ARID2: variants seen among roughly 807,000 people sequenced by gnomAD.
The protein encoded by ARID2 is AT-rich interaction domain 2.
In ARID2, 32 loss-of-function variants were observed where a neutral mutation model predicts 184.6. The observed-to-expected ratio is 0.17, with a 90% confidence interval of 0.13 to 0.23. The LOEUF (loss-of-function observed/expected upper bound fraction) is 0.23. Ranked by LOEUF, ARID2 falls within the 10% of genes least tolerant of loss-of-function variation. The pLI is 1.00. For synonymous variants in ARID2, 836 were observed against 772.6 expected (o/e 1.08, Z -1.36); for missense variants, 1,696 against 2,197.6 (o/e 0.77, Z 4.56).
chr12:45,822,570 T>C (rs145921858), intron 6 of ARID2, among the ~76,000 whole-genome samples: 164 of 152,176 alleles, frequency 1.1e-3, no homozygotes, highest in African/African-American at 3.8e-3. Flanking sequence ...TAAAAATAAA[T>C]AAAAAATAAA....
chr12:45,811,660 C>T, intron 4 of ARID2, 109 bp downstream of exon 4: 1 of 1,135,172 alleles, frequency 8.8e-7, no homozygotes, highest in African/African-American at 1.6e-5. Context: ...ACACTTAAGG[C>T]CTTAAGGTAA....
chr12:45,758,994 A>G (rs979839695), intron 3 of ARID2, among the ~76,000 whole-genome samples: 13 of 152,100 alleles, frequency 8.5e-5, no homozygotes, highest in Non-Finnish European at 1.9e-4. Context: ...CTGTTGTGAT[A>G]AAAGACACGC....
In ARID2 at chr12:45,850,538, A is replaced by G. The variant is rs1377405106; in HGVS notation, c.2415A>G (p.Val805=). The G allele has an allele frequency of 5.6e-6, 9 of 1,614,104 alleles. No homozygotes were observed. Among genetic ancestry groups the G allele is most frequent in the Non-Finnish European group, 7.6e-6 (9 of 1,179,994 alleles). The change falls in exon 15 of 21, where the codon GTA becomes GTG. Residue 805 remains valine (V), a synonymous_variant. Coordinates refer to ENST00000334344, the MANE Select transcript of ARID2 (RefSeq NM_152641.4). ...AVPQSHMFGR[V]QNIPACTSTV... is the part of the protein sequence containing the mutation. ...CACAGAGTCATATGTTTGGCAGAGT[A>G]CAGAACATACCAGCATGTACTTCTA... is the stretch of plus-strand genomic sequence containing the variant.
intron 3 of ARID2, among the ~76,000 whole-genome samples, chr12:45,736,510 A>C (rs566241326): frequency 9.2e-5 from 14 of 152,318 alleles, no homozygotes; most frequent in African/African-American, 3.4e-4. Flanking sequence ...AAGTATTTAA[A>C]AGTTTTAATT....
intron 6 of ARID2, among the ~76,000 whole-genome samples, chr12:45,827,129 C>T (rs1352653014): frequency 2.0e-5 from 3 of 151,512 alleles, no homozygotes; most frequent in Non-Finnish European, 4.4e-5. Flanking sequence ...AAGTTAACTC[C>T]AAGACAAATT....
At position 45,866,045 on chromosome 12, in the gene ARID2, A is replaced by G. The variant is rs1943827179; in HGVS notation, c.4922+5096A>G. On this transcript the variant is annotated intron_variant, in intron 16 of 20. Coordinates refer to ENST00000334344, the MANE Select transcript of ARID2 (RefSeq NM_152641.4). ...TTACAAACCTTTTTCATATACAGCT[A>G]TACTATATTGTACATGAAAAGTATA... is the stretch of plus-strand genomic sequence containing the variant. Among the ~76,000 whole-genome samples, 4 of 152,084 alleles carry G rather than the reference A, an allele frequency of 2.6e-5. No homozygotes were observed. The South Asian group carries it at 8.3e-4, about 31-fold the overall frequency.
At chr12:45,870,055 G>A (rs975266507) in intron 16 of ARID2, among the ~76,000 whole-genome samples, 1 of 151,706 alleles carries the variant, frequency 6.6e-6, no homozygotes, top group African/African-American at 2.4e-5. Context: ...GCGCGATCTC[G>A]GCTCACTGCA....
chr12:45,887,830 C>A (rs1425883933), intron 16 of ARID2, among the ~76,000 whole-genome samples: 1 of 152,178 alleles, frequency 6.6e-6, no homozygotes, highest in Non-Finnish European at 1.5e-5. Flanking sequence ...GCCCTTTTAA[C>A]TTGGTTGTCT....
At chr12:45,843,924 A>C (rs751826948) in intron 11 of ARID2, among the ~76,000 whole-genome samples, 2 of 152,232 alleles carry the variant, frequency 1.3e-5, no homozygotes, top group South Asian at 4.1e-4. Context: ...GTATGTTAGT[A>C]TGTTAGTGTG....
chr12:45,894,844 C>CTTTTTTTT (rs1290410570), intron 20 of ARID2, among the ~76,000 whole-genome samples: 2 of 151,888 alleles, frequency 1.3e-5, no homozygotes, highest in African/African-American at 4.9e-5. Context: ...CTTCTAACCT[C>CTTTTTTTT]TTTTTTGTTT....
intron 3 of ARID2, among the ~76,000 whole-genome samples, chr12:45,785,936 G>A (rs567654256): frequency 1.3e-5 from 2 of 152,134 alleles, no homozygotes; most frequent in African/African-American, 4.8e-5. Flanking sequence ...GTAGTGGTCT[G>A]TGGGAAAATT....
rs529471132 is a variant in ARID2 at position 45,782,270 on chromosome 12, G to A, written c.285-29148G>A. 1.3e-4 allele frequency among the ~76,000 whole-genome samples: 20 copies of A among 152,174 alleles called. 1 individual carries two copies. The South Asian group carries it at 4.2e-3, about 32-fold the overall frequency. ...ACATTAGGTGTCAGAAGAATACATA[G>A]CTATAAAAACGGAGGAGATTAAAAA... is the stretch of plus-strand genomic sequence containing the variant. On this transcript the variant is annotated intron_variant, in intron 3 of 20. Coordinates refer to ENST00000334344, the MANE Select transcript of ARID2 (RefSeq NM_152641.4).
intron 15 of ARID2, among the ~76,000 whole-genome samples, chr12:45,856,197 C>T (rs1436905130): frequency 6.6e-6 from 1 of 150,752 alleles, no homozygotes; most frequent in Non-Finnish European, 1.5e-5. Flanking sequence ...ACCTCAGCCT[C>T]CTGAGTAACT....
chr12:45,731,437 A>G (rs1425332197), intron 3 of ARID2, 123 bp downstream of exon 3: 2 of 645,340 alleles, frequency 3.1e-6, no homozygotes, highest in Non-Finnish European at 5.5e-6. Flanking sequence ...TTCATTTCAG[A>G]CTGAGACACA....
intron 11 of ARID2, chr12:45,841,055 T>A (rs1466610669): frequency 2.6e-5 from 4 of 152,190 alleles, no homozygotes; most frequent in Non-Finnish European, 4.4e-5. Flanking sequence ...GAGAAAGAAA[T>A]GAAACTGTTC....
intron 4 of ARID2, among the ~76,000 whole-genome samples, chr12:45,816,620 C>CT (rs1300195078): frequency 6.6e-6 from 1 of 152,152 alleles, no homozygotes; most frequent in Admixed American, 6.6e-5. Context: ...AAAATCCTGT[C>CT]TATGTTTCTA....
intron 3 of ARID2, among the ~76,000 whole-genome samples, chr12:45,780,685 C>G (rs1942072142): frequency 6.6e-6 from 1 of 152,066 alleles, no homozygotes; most frequent in African/African-American, 2.4e-5. Context: ...ATGGCGTGAT[C>G]TCGGCTCACT....
intron 3 of ARID2, among the ~76,000 whole-genome samples, chr12:45,766,825 A>C (rs149520695): frequency 0.013 from 1,932 of 150,668 alleles, 27 homozygotes; most frequent in South Asian, 0.049. Context: ...GCATATATTT[A>C]ATTTTTAAAG....
At chr12:45,783,215 T>C (rs781622146) in intron 3 of ARID2, among the ~76,000 whole-genome samples, 3 of 152,084 alleles carry the variant, frequency 2.0e-5, no homozygotes, top group Non-Finnish European at 2.9e-5. Flanking sequence ...GTCTGATTAA[T>C]TTTGTAATAA....
Sources: allele counts gnomAD v4.1 joint callset (sites outside exome capture counted in the v4.1 genomes callset), GRCh38; gene constraint gnomAD v4.1.1; transcripts MANE v1.5; gene names NCBI Gene and HGNC (gene_info 2026-07-23, HGNC 2026-07-21).